The following DPP10 variants were observed in gnomAD, a reference collection of about 807,000 sequenced individuals.
The protein encoded by DPP10 is dipeptidyl peptidase like 10.
A neutral mutation model predicts 120.9 loss-of-function variants in DPP10; 33 were observed. That is an observed-to-expected ratio of 0.27 (90% confidence interval 0.21 to 0.37). The LOEUF is 0.37. Ranked by LOEUF, DPP10 falls within the 10% of genes least tolerant of loss-of-function variation. DPP10 has a pLI of 1.00. For synonymous variants in DPP10, 337 were observed against 326.1 expected, an observed-to-expected ratio of 1.03 and a Z score of -0.36; for missense variants, 816 against 942.8, an observed-to-expected ratio of 0.87 and a Z score of 1.76.
intron 1 of DPP10, among the ~76,000 whole-genome samples, chr2:115,078,842 G>T (rs1239075298): frequency 3.3e-5 from 5 of 152,038 alleles, no homozygotes; most frequent in Non-Finnish European, 7.4e-5. Flanking sequence ...CAGTTAAATT[G>T]CTCAAAGAGT....
chr2:115,269,859 C>G (rs1252974058), intron 1 of DPP10, among the ~76,000 whole-genome samples: 1 of 152,070 alleles, frequency 6.6e-6, no homozygotes, highest in African/African-American at 2.4e-5. Context: ...TATCAAAGTA[C>G]TTACCCTGCC....
At chr2:115,064,176 C>A (rs1706654226) in intron 1 of DPP10, among the ~76,000 whole-genome samples, 2 of 151,684 alleles carry the variant, frequency 1.3e-5, no homozygotes, top group East Asian at 3.9e-4. Flanking sequence ...AATGTTAAAG[C>A]CTCTGATTTA....
Position 115,352,555 on chromosome 2 carries a change from T to G in DPP10, c.271+8643T>G, listed in dbSNP as rs185390747. Among the ~76,000 whole-genome samples the G allele has an allele frequency of 6.3e-3, 963 of 152,286 alleles. 9 individuals are homozygous for G. The highest frequency in any genetic ancestry group is 0.021 in the African/African-American group (882 of 41,568). ...TTTCCATCTATATATCCATCTATCC[T>G]TTTATCTATCCAACATGTATTGAAA... On this transcript the variant is annotated intron_variant, in intron 3 of 25. Transcript: ENST00000410059.
At chr2:115,437,587 A>G (rs1275155593) in intron 3 of DPP10, among the ~76,000 whole-genome samples, 1 of 152,066 alleles carries the variant, frequency 6.6e-6, no homozygotes, top group Non-Finnish European at 1.5e-5. Context: ...AGATAAACGT[A>G]TATGTGGTGC....
At chr2:115,349,914 T>C (rs1417694319) in intron 3 of DPP10, among the ~76,000 whole-genome samples, 1 of 152,070 alleles carries the variant, frequency 6.6e-6, no homozygotes, top group Non-Finnish European at 1.5e-5. Context: ...CAGCCCCCAG[T>C]CAAAATTATC....
At chr2:115,107,753 G>T (rs1043378761) in intron 1 of DPP10, among the ~76,000 whole-genome samples, 2 of 152,084 alleles carry the variant, frequency 1.3e-5, no homozygotes, top group South Asian at 2.1e-4. Flanking sequence ...CTTGTGATTT[G>T]TTCCGTTAGT....
intron 1 of DPP10, among the ~76,000 whole-genome samples, chr2:115,187,462 A>T (rs1020635699): frequency 6.6e-5 from 10 of 152,222 alleles, no homozygotes; most frequent in African/African-American, 2.4e-4. Context: ...TGAAGCAGAG[A>T]GCGACAAAGA....
intron 1 of DPP10, among the ~76,000 whole-genome samples, chr2:115,011,788 C>G (rs535269477): frequency 6.6e-6 from 1 of 152,142 alleles, no homozygotes; most frequent in Non-Finnish European, 1.5e-5. Context: ...ATCCACACAC[C>G]CTTTGAAAGA....
chr2:115,230,693 G>A (rs1224305097), intron 1 of DPP10, among the ~76,000 whole-genome samples: 1 of 151,926 alleles, frequency 6.6e-6, no homozygotes, highest in Non-Finnish European at 1.5e-5. Context: ...AAATTCTAGA[G>A]ATATGTTAAT....
intron 1 of DPP10, among the ~76,000 whole-genome samples, chr2:114,766,820 C>T (rs1206588950): frequency 6.6e-6 from 1 of 151,878 alleles, no homozygotes; most frequent in East Asian, 1.9e-4. Flanking sequence ...AGAGTTCTTT[C>T]CTATGATGAC....
intron 5 of DPP10, among the ~76,000 whole-genome samples, chr2:115,633,820 T>C (rs1362449276): frequency 6.6e-6 from 1 of 152,170 alleles, no homozygotes; most frequent in African/African-American, 2.4e-5. Flanking sequence ...TGAATTTGAA[T>C]GTTCACCTGT....
chr2:115,791,241 C>T (rs528479507), intron 18 of DPP10, 46 bp from the exon 19 acceptor site: 31 of 1,603,376 alleles, frequency 1.9e-5, no homozygotes, highest in Non-Finnish European at 2.6e-5. Context: ...ATAGTTTTAC[C>T]TGCAAATGAC....
intron 1 of DPP10, among the ~76,000 whole-genome samples, chr2:115,127,985 T>C (rs1015996931): frequency 1.3e-5 from 2 of 152,272 alleles, no homozygotes; most frequent in Admixed American, 6.5e-5. Context: ...TTGTGTTAGA[T>C]TTAAAAACAG....
At chr2:115,676,394 G>A (rs2090260844) in intron 5 of DPP10, among the ~76,000 whole-genome samples, 1 of 152,116 alleles carries the variant, frequency 6.6e-6, no homozygotes, top group Non-Finnish European at 1.5e-5. Context: ...CCCTATAAAA[G>A]CTACTTCATA....
At chr2:115,690,856 T>C (rs1020760046) in intron 7 of DPP10, among the ~76,000 whole-genome samples, 1 of 152,224 alleles carries the variant, frequency 6.6e-6, no homozygotes, top group Non-Finnish European at 1.5e-5. Flanking sequence ...CTAGGTTATT[T>C]GTTAAGCGTG....
chr2:115,774,248 A>G (rs1681831951), intron 13 of DPP10, among the ~76,000 whole-genome samples: 1 of 150,904 alleles, frequency 6.6e-6, no homozygotes, highest in Admixed American at 6.6e-5. Flanking sequence ...ACACCAAAAT[A>G]CTCTGAAAAA....
chr2:115,393,098 A>C (rs968146816), intron 3 of DPP10, among the ~76,000 whole-genome samples: 2 of 152,126 alleles, frequency 1.3e-5, no homozygotes, highest in Non-Finnish European at 2.9e-5. Context: ...AGTTCGCTTG[A>C]GGCCAGGAGT....
At chr2:115,111,905 G>T (rs1370286900) in intron 1 of DPP10, among the ~76,000 whole-genome samples, 2 of 152,182 alleles carry the variant, frequency 1.3e-5, no homozygotes, top group African/African-American at 4.8e-5. Flanking sequence ...TTAGTACTCA[G>T]TGTCTGATGG....
chr2:115,085,297 C>T (rs1156349565), intron 1 of DPP10, among the ~76,000 whole-genome samples: 2 of 152,120 alleles, frequency 1.3e-5, no homozygotes, highest in African/African-American at 4.8e-5. Context: ...GTCCCACCTC[C>T]ACCAATGTGT....
Sources: allele counts gnomAD v4.1 joint callset (sites outside exome capture counted in the v4.1 genomes callset), GRCh38; gene constraint gnomAD v4.1.1; transcripts MANE v1.5; gene names NCBI Gene and HGNC (gene_info 2026-07-23, HGNC 2026-07-21).